CERT1: variants seen among roughly 807,000 people sequenced by gnomAD.
The protein encoded by CERT1 is ceramide transfer protein.
In CERT1, 31 loss-of-function variants were observed where a neutral mutation model predicts 87.9. That is an observed-to-expected ratio of 0.35 (90% CI 0.27 to 0.48). CERT1 has a LOEUF of 0.48. Ranked by LOEUF, CERT1 falls within the 20% of genes least tolerant of loss-of-function variation. The pLI is 0.99. For missense variants in CERT1, 487 were observed against 758.0 expected (o/e 0.64, Z 4.20); for synonymous variants, 289 against 250.9 (o/e 1.15, Z -1.44).
At position 75,506,098 on chromosome 5, in the gene CERT1, C is replaced by T. The variant is rs771768241; in HGVS notation, c.115G>A (p.Gly39Arg). The T allele has an allele frequency of 1.9e-6, 3 of 1,612,660 alleles. No homozygotes were observed. In the Admixed American group the frequency reaches 5.0e-5, roughly 27 times the overall value. The change falls in exon 2 of 17, where the codon GGG becomes AGG. Residue 39 changes from glycine (G) to arginine (R), a missense_variant. Physicochemically the swap from Gly to Arg is moderately radical, Grantham distance 125. Around this residue, in one of 8 missense-constraint regions of CERT1, gnomAD observed 173 missense variants for 302.2 expected, o/e 0.57. Coordinates refer to ENST00000643780, the MANE Select transcript of CERT1 (RefSeq NM_001379029.1). ...VLSKWTNYIH[G>R]WQDRWVVLKN... ...AAAACTACCCAACGATCCTGCCACC[C>T]ATGAATGTAGTTTGTCCACTGGGAG... is the stretch of plus-strand genomic sequence containing the variant.
downstream of CERT1, chr5:75,373,199 C>T (rs1471972453): frequency 1.3e-5 from 2 of 152,154 alleles, no homozygotes; most frequent in African/African-American, 4.8e-5. Context: ...CTGACCCAAA[C>T]TGGAAGAACA....
At chr5:75,373,568 T>G (rs948405577), downstream of CERT1, 1 of 152,236 alleles carries the variant, frequency 6.6e-6, no homozygotes, top group Admixed American at 6.5e-5. Flanking sequence ...AGTAAGACTA[T>G]AGAAAAGGCA....
intron 3 of CERT1, among the ~76,000 whole-genome samples, chr5:75,449,225 A>G (rs1430761985): frequency 6.6e-6 from 1 of 152,212 alleles, no homozygotes; most frequent in African/African-American, 2.4e-5. Context: ...AAAATGACAA[A>G]CCAAGGAAAC....
chr5:75,378,234 AC>A lies in CERT1; in HGVS notation c.*1111del, dbSNP rs1169441349. 6.6e-6 allele frequency: 1 copy of A among 152,310 alleles called. No individual in the cohort carries two copies. Among genetic ancestry groups the A allele is most frequent in the Non-Finnish European group, 1.5e-5 (1 of 68,122 alleles). 9.4% of individuals were successfully genotyped at this position (152,310 alleles called of 1,614,324 possible). On this transcript the variant is annotated 3_prime_UTR_variant, in exon 17 of 17. Coordinates refer to ENST00000643780, the MANE Select transcript of CERT1 (RefSeq NM_001379029.1). Reference sequence around the variant, plus strand: ...AAGGAGTTCGAGACCAGCCTGGCCAACATGGTGAAACCCTGCCTCTACTAAA... The same window carrying A: ...AAGGAGTTCGAGACCAGCCTGGCCAAATGGTGAAACCCTGCCTCTACTAAA...
chr5:75,511,518 T>G lies in CERT1; in HGVS notation c.-311A>C, dbSNP rs1768002469. ...CGAACTTAGCCCCCTCGATGCCAATTTCAAATAGGGAAGGAAAAGGGAAAA... is the reference window on the plus strand; with the variant it reads ...CGAACTTAGCCCCCTCGATGCCAATGTCAAATAGGGAAGGAAAAGGGAAAA... On this transcript the variant is annotated 5_prime_UTR_variant, in exon 1 of 17. Transcript: ENST00000643780. The G allele has an allele frequency of 1.4e-6, 2 of 1,471,394 alleles. No individual in the cohort carries two copies. Among genetic ancestry groups the G allele is most frequent in the South Asian group, 2.7e-5 (2 of 74,094 alleles). 91.1% of individuals were successfully genotyped at this position (1,471,394 alleles called of 1,614,324 possible). A position where few individuals can be genotyped will look rare whatever the true frequency, so the allele number is the denominator to read the frequency against.
intron 2 of CERT1, 190 bp downstream of exon 2, chr5:75,505,792 A>C: frequency 2.4e-6 from 1 of 411,816 alleles, no homozygotes; most frequent in South Asian, 6.1e-5. Flanking sequence ...CTACATGTCT[A>C]TGCAAAATAA....
intron 5 of CERT1, among the ~76,000 whole-genome samples, chr5:75,421,758 T>A (rs533318902): frequency 6.6e-6 from 1 of 152,194 alleles, no homozygotes; most frequent in Non-Finnish European, 1.5e-5. Context: ...TCCCGGGGCC[T>A]TTTCAAATTT....
rs1012154292 is a variant in CERT1 at position 75,478,818 on chromosome 5, G to A, written c.232-19637C>T. ...GATACTATTTCTCCATCCAAAGCAA[G>A]CAAGGCTCCTCAGAGAAATGGTCCA... On this transcript the variant is annotated intron_variant, in intron 2 of 16. Coordinates refer to ENST00000643780, the MANE Select transcript of CERT1 (RefSeq NM_001379029.1). 2.7e-4 allele frequency among the ~76,000 whole-genome samples: 39 copies of A among 142,968 alleles called. 1 individual carries two copies. Among genetic ancestry groups the A allele is most frequent in the Non-Finnish European group, 7.5e-5 (5 of 66,692 alleles). The allele number at this position is 142,968 out of a possible 152,430, so 93.8% of individuals were successfully genotyped here.
chr5:75,487,700 T>C lies in CERT1; in HGVS notation c.231+18282A>G, dbSNP rs542374147. On this transcript the variant is annotated intron_variant, in intron 2 of 16. Transcript: ENST00000643780. ...ACATTACTCAAAAGACAACATACACTGGGCAAGCACATATGAGAAAAGGTA... is the reference window on the plus strand; with the variant it reads ...ACATTACTCAAAAGACAACATACACCGGGCAAGCACATATGAGAAAAGGTA... 4.6e-5 allele frequency among the ~76,000 whole-genome samples: 7 copies of C among 152,032 alleles called. No homozygotes were observed. In the South Asian group the frequency reaches 1.5e-3, roughly 32 times the overall value.
At chr5:75,386,147 T>C (rs1761776482) in intron 12 of CERT1, 113 bp from the exon 13 acceptor site, 3 of 781,582 alleles carry the variant, frequency 3.8e-6, no homozygotes, top group African/African-American at 3.6e-5. Flanking sequence ...AGTCTATTTA[T>C]AGAACATATT....
At chr5:75,457,160 C>T (rs1765019317) in intron 3 of CERT1, among the ~76,000 whole-genome samples, 1 of 152,162 alleles carries the variant, frequency 6.6e-6, no homozygotes, top group Admixed American at 6.5e-5. Flanking sequence ...GCTTCTCTCA[C>T]CTAACGTAAA....
chr5:75,386,801 C>T (rs563050636), intron 12 of CERT1, among the ~76,000 whole-genome samples: 1 of 152,210 alleles, frequency 6.6e-6, no homozygotes, highest in East Asian at 1.9e-4. Flanking sequence ...TCCCAGCTAC[C>T]CAAACTAGAA....
chr5:75,397,643 G>C (rs1209620999), intron 11 of CERT1, among the ~76,000 whole-genome samples: 1 of 152,154 alleles, frequency 6.6e-6, no homozygotes, highest in Non-Finnish European at 1.5e-5. Context: ...TTAATGCAAT[G>C]TGGAGCTTAG....
chr5:75,424,853 C>T (rs979134916), intron 5 of CERT1, among the ~76,000 whole-genome samples: 1 of 152,076 alleles, frequency 6.6e-6, no homozygotes, highest in Non-Finnish European at 1.5e-5. Context: ...TGGCTCACAC[C>T]TATAATCTCA....
At chr5:75,388,456 G>T (rs1054713877) in intron 12 of CERT1, among the ~76,000 whole-genome samples, 1 of 151,582 alleles carries the variant, frequency 6.6e-6, no homozygotes, top group Non-Finnish European at 1.5e-5. Context: ...TTTAATTCCA[G>T]ATGTAGTTCA....
chr5:75,431,968 TTAAG>T (rs1427738187), intron 3 of CERT1, among the ~76,000 whole-genome samples: 1 of 152,204 alleles, frequency 6.6e-6, no homozygotes, highest in Non-Finnish European at 1.5e-5. Context: ...TAGTTCTGTT[TTAAG>T]TTGTTTGAGA....
intron 3 of CERT1, among the ~76,000 whole-genome samples, chr5:75,449,931 CATA>C (rs1212560959): frequency 6.6e-6 from 1 of 152,046 alleles, no homozygotes; most frequent in Non-Finnish European, 1.5e-5. Context: ...GTCTTTTTGA[CATA>C]ATATCTTGTT....
rs11349407 is a variant in CERT1 at position 75,404,291 on chromosome 5, TAA to T, written c.931-1235_931-1234del. On this transcript the variant is annotated intron_variant, in intron 8 of 16. Transcript: ENST00000643780. ...ACTCAGTCCCCTACAACCTACTTCA[TAA>T]AAAAAAAAAAAAAAAAAAAAACAAC... Among the ~76,000 whole-genome samples the T allele has an allele frequency of 5.5e-3, 463 of 84,072 alleles. 4 individuals carry two copies. Among genetic ancestry groups the T allele is most frequent in the African/African-American group, 0.018 (410 of 23,132 alleles). The allele number at this position is 84,072 out of a possible 152,430, so 55.2% of individuals were successfully genotyped here.
At chr5:75,377,542 T>G (rs141219822), downstream of CERT1, 1 of 152,332 alleles carries the variant, frequency 6.6e-6, no homozygotes, top group East Asian at 1.9e-4. Context: ...ACCATCAAAA[T>G]GAGGAAGCTC....
Sources: allele counts gnomAD v4.1 joint callset (sites outside exome capture counted in the v4.1 genomes callset), GRCh38; gene constraint gnomAD v4.1.1; regional missense constraint gnomAD v4.1.1; transcripts MANE v1.5; gene names NCBI Gene and HGNC (gene_info 2026-07-23, HGNC 2026-07-21).